The following CDK14 variants were observed in gnomAD, a reference collection of about 807,000 sequenced individuals.
CDK14 encodes cyclin dependent kinase 14.
In CDK14, 34 loss-of-function variants were observed where a neutral mutation model predicts 60.7. That is an observed-to-expected ratio of 0.56 (90% CI 0.43 to 0.75). CDK14 has a LOEUF of 0.75. Among genes scored for constraint, CDK14 ranks in the 30% least tolerant of loss-of-function variants. The pLI is 0.00. For missense variants in CDK14, 482 were observed against 564.1 expected (o/e 0.85, Z 1.47); for synonymous variants, 197 against 203.7 (o/e 0.97, Z 0.28).
intron 9 of CDK14, among the ~76,000 whole-genome samples, chr7:90,966,885 C>T (rs1254185927): frequency 6.6e-6 from 1 of 152,080 alleles, no homozygotes; most frequent in East Asian, 1.9e-4. Context: ...ATTGTCATGT[C>T]TTCATCTACA....
At chr7:90,940,232 G>T (rs1255733683) in intron 8 of CDK14, among the ~76,000 whole-genome samples, 1 of 152,074 alleles carries the variant, frequency 6.6e-6, no homozygotes, top group Non-Finnish European at 1.5e-5. Context: ...TCTTTCCAGA[G>T]ATCCAATATG....
At chr7:90,953,504 A>G (rs902650207) in intron 8 of CDK14, among the ~76,000 whole-genome samples, 1 of 152,206 alleles carries the variant, frequency 6.6e-6, no homozygotes, top group African/African-American at 2.4e-5. Flanking sequence ...TAGCAAACTC[A>G]TATTCAGAGT....
At chr7:90,642,368 A>T (rs1800358319) in intron 2 of CDK14, among the ~76,000 whole-genome samples, 1 of 152,172 alleles carries the variant, frequency 6.6e-6, no homozygotes, top group Non-Finnish European at 1.5e-5. Context: ...CAGTAAGTTA[A>T]TGTGGGATAC....
At chr7:90,828,578 C>T (rs1286852464) in intron 5 of CDK14, among the ~76,000 whole-genome samples, 2 of 151,844 alleles carry the variant, frequency 1.3e-5, no homozygotes, top group Non-Finnish European at 2.9e-5. Context: ...CTAATATTAC[C>T]GAATTCTCCA....
intron 12 of CDK14, among the ~76,000 whole-genome samples, chr7:91,105,184 A>G (rs1799252716): frequency 6.6e-6 from 1 of 152,226 alleles, no homozygotes; most frequent in African/African-American, 2.4e-5. Flanking sequence ...ATCAAATGCT[A>G]AAGTTGCAGC....
chr7:91,074,375 A>G (rs1679907984), intron 11 of CDK14, among the ~76,000 whole-genome samples: 1 of 152,226 alleles, frequency 6.6e-6, no homozygotes, highest in Admixed American at 6.5e-5. Flanking sequence ...TTACATGGAA[A>G]TTGAATAGCC....
intron 4 of CDK14, among the ~76,000 whole-genome samples, chr7:90,764,150 A>G (rs1804441807): frequency 6.6e-6 from 1 of 152,176 alleles, no homozygotes; most frequent in African/African-American, 2.4e-5. Context: ...TCTGTAATGC[A>G]GATTTGTGAA....
At chr7:90,962,626 T>C (rs1299427385) in intron 9 of CDK14, among the ~76,000 whole-genome samples, 1 of 152,236 alleles carries the variant, frequency 6.6e-6, no homozygotes, top group Non-Finnish European at 1.5e-5. Flanking sequence ...ATTAGCTGAA[T>C]GATAATATGT....
At chr7:91,172,131 T>C (rs910020315) in intron 14 of CDK14, among the ~76,000 whole-genome samples, 1 of 152,212 alleles carries the variant, frequency 6.6e-6, no homozygotes, top group African/African-American at 2.4e-5. Context: ...CAGTGATAAA[T>C]TTATTCACTT....
intron 12 of CDK14, among the ~76,000 whole-genome samples, chr7:91,089,343 A>G: frequency 6.6e-6 from 1 of 152,112 alleles, no homozygotes; most frequent in East Asian, 1.9e-4. Context: ...ATAATTTCTT[A>G]TATGTCTGTC....
In CDK14 at chr7:91,206,620, A is replaced by T. The variant is rs972807479; in HGVS notation, c.*29-545A>T. Reference sequence around the variant, plus strand: ...GGCATTATTGGAAACACGCAGTCCTATACAGGATGTTGGGAAGAGGCTGCC... The same window carrying T: ...GGCATTATTGGAAACACGCAGTCCTTTACAGGATGTTGGGAAGAGGCTGCC... On this transcript the variant is annotated intron_variant, in intron 14 of 14. Transcript: ENST00000380050. 5.5e-4 allele frequency among the ~76,000 whole-genome samples: 84 copies of T among 152,198 alleles called. 1 individual carries two copies. Among genetic ancestry groups the T allele is most frequent in the Admixed American group, 2.6e-4 (4 of 15,286 alleles).
intron 14 of CDK14, among the ~76,000 whole-genome samples, chr7:91,156,098 T>G (rs951309856): frequency 3.3e-5 from 5 of 152,206 alleles, no homozygotes; most frequent in Non-Finnish European, 7.3e-5. Flanking sequence ...TTTATCACCT[T>G]CTAACTTTCT....
At chr7:91,112,087 T>C (rs1799481711) in intron 12 of CDK14, among the ~76,000 whole-genome samples, 1 of 152,162 alleles carries the variant, frequency 6.6e-6, no homozygotes, top group East Asian at 1.9e-4. Flanking sequence ...TGCAAGAAAA[T>C]ATAAATTCTT....
intron 5 of CDK14, among the ~76,000 whole-genome samples, chr7:90,795,309 T>G (rs911014967): frequency 6.6e-6 from 1 of 152,176 alleles, no homozygotes; most frequent in African/African-American, 2.4e-5. Flanking sequence ...TCTGCATTTG[T>G]AGTGGTTGTG....
chr7:90,630,744 TA>T, intron 2 of CDK14, among the ~76,000 whole-genome samples: 1 of 152,114 alleles, frequency 6.6e-6, no homozygotes, highest in East Asian at 1.9e-4. Flanking sequence ...AATTATCCAA[TA>T]AAAATTGTTG....
At chr7:90,673,947 A>G (rs1201707812) in intron 2 of CDK14, among the ~76,000 whole-genome samples, 1 of 152,214 alleles carries the variant, frequency 6.6e-6, no homozygotes, top group Non-Finnish European at 1.5e-5. Flanking sequence ...TTATCACTCC[A>G]TATGTACACA....
chr7:90,671,142 C>T (rs952579346), intron 2 of CDK14, among the ~76,000 whole-genome samples: 6 of 152,218 alleles, frequency 3.9e-5, no homozygotes, highest in African/African-American at 1.2e-4. Flanking sequence ...CCAGATGGTG[C>T]TCTCTGTGTC....
chr7:91,069,020 G>C (rs35751432), intron 11 of CDK14, among the ~76,000 whole-genome samples: 24,917 of 151,976 alleles, frequency 0.16, 2,368 homozygotes, highest in African/African-American at 0.25. Context: ...TTGTTTCTCT[G>C]CTGTGTCTTC....
chr7:90,729,293 G>A (rs1220272307), intron 3 of CDK14, among the ~76,000 whole-genome samples: 1 of 129,370 alleles, frequency 7.7e-6, no homozygotes, highest in East Asian at 2.8e-4. Flanking sequence ...TCTGAAGTAT[G>A]AATTGACTTA....
Sources: gnomAD v4.1 joint callset for allele counts (sites outside exome capture counted in the v4.1 genomes callset) on GRCh38, gnomAD v4.1.1 for gene constraint, MANE v1.5 for transcripts, NCBI Gene and HGNC (gene_info 2026-07-23, HGNC 2026-07-21) for gene names.